PRKD1: variants seen among roughly 807,000 people sequenced by gnomAD.
PRKD1 encodes protein kinase D1, also known as serine/threonine-protein kinase D1.
In PRKD1, 63 loss-of-function variants were observed where a neutral mutation model predicts 95.9. That is an observed-to-expected ratio of 0.66 (90% CI 0.54 to 0.81). The LOEUF (loss-of-function observed/expected upper bound fraction) is 0.81. Ranked by LOEUF, PRKD1 falls within the 30% of genes least tolerant of loss-of-function variation. The pLI, the probability that PRKD1 is intolerant of heterozygous loss-of-function variation, is 0.00. For missense variants in PRKD1, 1,048 were observed against 1,165.3 expected (o/e 0.90, Z 1.47); for synonymous variants, 425 against 423.1 (o/e 1.00, Z -0.05).
At chr14:29,926,389 T>A (rs1024568007) in intron 1 of PRKD1, among the ~76,000 whole-genome samples, 3 of 152,132 alleles carry the variant, frequency 2.0e-5, no homozygotes, top group African/African-American at 7.2e-5. Flanking sequence ...CCCCCTTCCA[T>A]GCAACATCCA....
chr14:29,768,045 C>A (rs1888333383), intron 1 of PRKD1, among the ~76,000 whole-genome samples: 1 of 152,106 alleles, frequency 6.6e-6, no homozygotes, highest in South Asian at 2.1e-4. Context: ...TAGTATTCAC[C>A]TAAATCATTG....
intron 1 of PRKD1, among the ~76,000 whole-genome samples, chr14:29,899,999 T>C (rs987004486): frequency 6.6e-6 from 1 of 152,238 alleles, no homozygotes; most frequent in South Asian, 2.1e-4. Context: ...CCTGCCATCT[T>C]GTGAAGAAGG....
At chr14:29,726,003 C>T (rs1216699863) in intron 1 of PRKD1, among the ~76,000 whole-genome samples, 1 of 152,198 alleles carries the variant, frequency 6.6e-6, no homozygotes, top group South Asian at 2.1e-4. Flanking sequence ...GAGGTGTGCA[C>T]TTTCAGATGA....
intron 1 of PRKD1, among the ~76,000 whole-genome samples, chr14:29,730,950 A>G (rs1566566669): frequency 6.6e-6 from 1 of 151,878 alleles, no homozygotes; most frequent in African/African-American, 2.4e-5. Context: ...GTGACTATAG[A>G]TAATAATATT....
intron 1 of PRKD1, among the ~76,000 whole-genome samples, chr14:29,881,021 T>C (rs1410620193): frequency 6.6e-6 from 1 of 152,190 alleles, no homozygotes; most frequent in African/African-American, 2.4e-5. Context: ...CTGTAGGCTT[T>C]TGGGTTAACA....
At chr14:29,888,298 AAG>A (rs929904554) in intron 1 of PRKD1, among the ~76,000 whole-genome samples, 8 of 152,098 alleles carry the variant, frequency 5.3e-5, no homozygotes, top group Admixed American at 3.9e-4. Flanking sequence ...GAAAGAGAGA[AAG>A]AGAGAAAGGG....
chr14:29,621,139 C>A (rs1283839648), intron 13 of PRKD1, among the ~76,000 whole-genome samples: 4 of 133,236 alleles, frequency 3.0e-5, no homozygotes, highest in Non-Finnish European at 6.1e-5. Context: ...GGGAATTGAA[C>A]AATGAGAACA....
chr14:29,876,076 A>G (rs531574867), intron 1 of PRKD1, among the ~76,000 whole-genome samples: 14 of 152,324 alleles, frequency 9.2e-5, no homozygotes, highest in African/African-American at 3.4e-4. Context: ...GAAAACTCAA[A>G]TCTTTTATAA....
chr14:29,874,505 A>G (rs1893219153), intron 1 of PRKD1, among the ~76,000 whole-genome samples: 1 of 152,202 alleles, frequency 6.6e-6, no homozygotes, highest in Non-Finnish European at 1.5e-5. Flanking sequence ...TAGTATATCA[A>G]AGAAACTTGC....
At chr14:29,847,676 C>A (rs1438852676) in intron 1 of PRKD1, among the ~76,000 whole-genome samples, 1 of 152,204 alleles carries the variant, frequency 6.6e-6, no homozygotes, top group African/African-American at 2.4e-5. Flanking sequence ...CTACAATCCT[C>A]TGAAATATCA....
intron 16 of PRKD1, chr14:29,594,191 A>T (rs1893221055): frequency 2.3e-6 from 1 of 442,786 alleles, no homozygotes; most frequent in Non-Finnish European, 4.5e-6. Flanking sequence ...GAAAAAATAC[A>T]TAATAAAGAA....
intron 1 of PRKD1, among the ~76,000 whole-genome samples, chr14:29,781,357 T>C (rs1000063024): frequency 3.3e-5 from 5 of 152,132 alleles, no homozygotes; most frequent in Non-Finnish European, 4.4e-5. Flanking sequence ...ATAAACAACG[T>C]CTCAAATTAT....
intron 4 of PRKD1, chr14:29,657,721 G>T (rs1881963674): frequency 6.6e-6 from 1 of 152,448 alleles, no homozygotes; most frequent in Admixed American, 6.5e-5. Context: ...CAAAAAATTA[G>T]CCGGGCGTGG....
chr14:29,601,735 C>T (rs146612863), intron 13 of PRKD1, among the ~76,000 whole-genome samples: 6 of 152,216 alleles, frequency 3.9e-5, no homozygotes, highest in Non-Finnish European at 7.3e-5. Flanking sequence ...ACGACATACA[C>T]TTGTTTGATA....
intron 4 of PRKD1, among the ~76,000 whole-genome samples, chr14:29,655,127 T>G (rs1179807824): frequency 6.6e-6 from 1 of 152,226 alleles, no homozygotes. Context: ...CTGTCCTTCT[T>G]TGGCTTCATG....
intron 13 of PRKD1, among the ~76,000 whole-genome samples, chr14:29,620,928 A>G (rs531061879): frequency 6.6e-6 from 1 of 152,132 alleles, no homozygotes; most frequent in South Asian, 2.1e-4. Context: ...AACCAACCCA[A>G]ATGTCCAACA....
intron 1 of PRKD1, among the ~76,000 whole-genome samples, chr14:29,831,266 C>G (rs1313335127): frequency 6.6e-6 from 1 of 152,136 alleles, no homozygotes; most frequent in East Asian, 1.9e-4. Flanking sequence ...TAAAGCTACA[C>G]AGCTACAAAA....
chr14:29,709,480 C>T (rs1017769954), intron 2 of PRKD1, among the ~76,000 whole-genome samples: 13 of 151,928 alleles, frequency 8.6e-5, no homozygotes, highest in Admixed American at 2.0e-4. Context: ...TTCAGGGGGA[C>T]GGTTGTTATA....
chr14:29,806,104 G>T (rs538690207), intron 1 of PRKD1, among the ~76,000 whole-genome samples: 82 of 152,160 alleles, frequency 5.4e-4, no homozygotes, highest in Non-Finnish European at 9.7e-4. Flanking sequence ...GGCAAGAAGC[G>T]GATCTCATCA....
Sources: allele counts gnomAD v4.1 joint callset (sites outside exome capture counted in the v4.1 genomes callset), GRCh38; gene constraint gnomAD v4.1.1; transcripts MANE v1.5; gene names NCBI Gene and HGNC (gene_info 2026-07-23, HGNC 2026-07-21).